FRMPD2: variants seen among roughly 807,000 people sequenced by gnomAD.
FRMPD2 encodes the protein FERM and PDZ domain-containing protein 2.
A neutral mutation model predicts 140.1 loss-of-function variants in FRMPD2; 96 were observed. The ratio of observed to expected loss-of-function variants is 0.69; its 90% CI spans 0.58 to 0.81. The LOEUF (loss-of-function observed/expected upper bound fraction) is 0.81, where lower values mean the gene tolerates loss of function less well. Among genes scored for constraint, FRMPD2 ranks in the 40% least tolerant of loss-of-function variants. The probability of loss-of-function intolerance (pLI) is 0.00; values close to 1 mark genes in which losing one functional copy is unlikely to be tolerated. For synonymous variants in FRMPD2, 449 were observed against 547.6 expected (o/e 0.82, Z 2.52); for missense variants, 1,240 against 1,447.4 (o/e 0.86, Z 2.32).
intron 2 of FRMPD2, among the ~76,000 whole-genome samples, 184 bp downstream of exon 2, chr10:48,251,382 A>G (rs1430197995): frequency 6.6e-6 from 1 of 152,238 alleles, no homozygotes; most frequent in African/African-American, 2.4e-5. Flanking sequence ...GTGCAGCTCC[A>G]AGGATAGGTG....
In FRMPD2 at chr10:48,163,816, C is replaced by T. The variant is rs1588797967; in HGVS notation, c.3538-145G>A. The T allele has an allele frequency of 2.6e-5, 18 of 694,474 alleles. No homozygotes were observed. The East Asian group carries it at 4.8e-4, about 19-fold the overall frequency. 43.0% of individuals were successfully genotyped at this position (694,474 alleles called of 1,614,324 possible). ...TCTGTCTATCACCATAGCATCCCAG[C>T]TCCTCCACATGCTCCCGGCTGGACA... On this transcript the variant is annotated intron_variant, in intron 27 of 28. Transcript: ENST00000374201.
chr10:48,214,790 T>C (rs549133242), intron 12 of FRMPD2, among the ~76,000 whole-genome samples: 11 of 152,214 alleles, frequency 7.2e-5, no homozygotes, highest in Admixed American at 3.9e-4. Flanking sequence ...AGTTATCACT[T>C]ACATGGTGCT....
Position 48,242,217 on chromosome 10 carries a change from G to C in FRMPD2, c.511C>G (p.Pro171Ala), listed in dbSNP as rs1432101261. Reference sequence around the variant, plus strand: ...AGCCTTCTGATGTGGAGACCAGCAGGGGCTGGGTAGACAGACACTTCTTTC... The same window carrying C: ...AGCCTTCTGATGTGGAGACCAGCAGCGGCTGGGTAGACAGACACTTCTTTC... ...HEKEVSVYPAPAGLHIRRLVG... is the reference protein window; with the variant it reads ...HEKEVSVYPAAAGLHIRRLVG... Residue 171 changes from proline to alanine, a missense_variant, in exon 5 of 29, where the codon CCT becomes GCT. Coordinates refer to ENST00000374201, the MANE Select transcript of FRMPD2 (RefSeq NM_001018071.4). 2.5e-6 allele frequency: 4 copies of C among 1,614,174 alleles called. No individual in the cohort carries two copies. Among genetic ancestry groups the C allele is most frequent in the Non-Finnish European group, 3.4e-6 (4 of 1,180,014 alleles).
At chr10:48,268,082 A>G (rs1840708068) in intron 1 of FRMPD2, among the ~76,000 whole-genome samples, 1 of 152,248 alleles carries the variant, frequency 6.6e-6, no homozygotes, top group Admixed American at 6.5e-5. Context: ...AATGGCATGG[A>G]AAGACATTTC....
Position 48,232,231 on chromosome 10 carries a change from C to G in FRMPD2, c.1052G>C (p.Gly351Ala). 1.2e-6 allele frequency: 2 copies of G among 1,614,138 alleles called. No homozygotes were observed. Among genetic ancestry groups the G allele is most frequent in the Non-Finnish European group, 1.7e-6 (2 of 1,180,008 alleles). Residue 351 changes from glycine to alanine, a missense_variant, in exon 10 of 29, where the codon GGG (glycine) becomes GCG (alanine). Transcript: ENST00000374201. ...LRDLCVVLLNGQHLEVKCDVE... is the reference protein window; with the variant it reads ...LRDLCVVLLNAQHLEVKCDVE... The stretch of plus-strand genomic sequence containing the variant: ...ATCACATTTTACCTCCAGGTGCTGC[C>G]CGTTCAGCAGGACCACACAGAGGTC...
intron 1 of FRMPD2, among the ~76,000 whole-genome samples, chr10:48,261,315 TA>T (rs567773198): frequency 4.7e-5 from 7 of 148,972 alleles, no homozygotes; most frequent in Non-Finnish European, 9.0e-5. Flanking sequence ...GCAAGATAAA[TA>T]AAAAAAACAC....
chr10:48,266,453 G>T (rs918162422), intron 1 of FRMPD2, among the ~76,000 whole-genome samples: 1 of 152,158 alleles, frequency 6.6e-6, no homozygotes, highest in Non-Finnish European at 1.5e-5. Context: ...TTATTATAGG[G>T]TATATTAATC....
intron 20 of FRMPD2, 143 bp downstream of exon 20, chr10:48,184,423 A>G (rs1838624970): frequency 3.3e-6 from 2 of 601,352 alleles, no homozygotes; most frequent in African/African-American, 1.9e-5. Context: ...TTGTGCCACT[A>G]CACTGCTTCT....
chr10:48,255,886 C>A (rs750061139), intron 1 of FRMPD2, among the ~76,000 whole-genome samples: 2 of 152,222 alleles, frequency 1.3e-5, no homozygotes, highest in East Asian at 1.9e-4. Flanking sequence ...GAGGTGAGGG[C>A]GGTAAGCCAG....
chr10:48,198,935 T>C (rs192927701), intron 15 of FRMPD2, among the ~76,000 whole-genome samples: 170 of 152,306 alleles, frequency 1.1e-3, no homozygotes, highest in Admixed American at 1.6e-3. Context: ...TGATTTTGTA[T>C]ACAGTAACAT....
chr10:48,245,692 A>G (rs997652627), intron 3 of FRMPD2, among the ~76,000 whole-genome samples: 2 of 152,228 alleles, frequency 1.3e-5, no homozygotes, highest in Non-Finnish European at 2.9e-5. Context: ...CCTGTGACGT[A>G]GGTACTTTAA....
intron 8 of FRMPD2, among the ~76,000 whole-genome samples, chr10:48,237,612 G>T (rs181052382): frequency 6.6e-6 from 1 of 151,992 alleles, no homozygotes; most frequent in African/African-American, 2.4e-5. Flanking sequence ...CCCTCCCTGC[G>T]GCCCTGGATC....
chr10:48,186,840 G>A (rs11815236), intron 17 of FRMPD2, among the ~76,000 whole-genome samples: 3,335 of 152,182 alleles, frequency 0.022, 122 homozygotes, highest in African/African-American at 0.075. Context: ...CATCTACTCT[G>A]TGTATGTTTT....
At chr10:48,239,552 C>A in intron 7 of FRMPD2, 53 bp downstream of exon 7, 1 of 1,314,476 alleles carries the variant, frequency 7.6e-7, no homozygotes, top group South Asian at 1.2e-5. Flanking sequence ...CCATAGCCCC[C>A]ACACCTATGT....
Position 48,187,215 on chromosome 10 carries a change from G to T in FRMPD2, c.2243C>A (p.Pro748Gln). ...KPMTWDSLSG[P>Q]PVQSMHAGSK... Reference sequence around the variant, plus strand: ...ACCTGCATGCATGCTCTGAACAGGTGGTCCAGAGAGAGAGTCCCAGGTCAT... The same window carrying T: ...ACCTGCATGCATGCTCTGAACAGGTTGTCCAGAGAGAGAGTCCCAGGTCAT... Residue 748 changes from proline to glutamine, a missense_variant, in exon 17 of 29, where the codon CCA becomes CAA. By Grantham distance (76) the Pro-to-Gln change is moderately conservative. Coordinates refer to ENST00000374201, the MANE Select transcript of FRMPD2 (RefSeq NM_001018071.4). 1 of 1,613,638 alleles carries T rather than the reference G, an allele frequency of 6.2e-7. No individual in the cohort carries two copies. The highest frequency in any genetic ancestry group is 1.1e-5 in the South Asian group (1 of 91,030).
In FRMPD2 at chr10:48,242,176, C is replaced by T; in HGVS notation, c.552G>A (p.Leu184=). ...CTCTACTGACCTCAGAAATGGTACCCAGAACCAAGCCAACCAGCCTTCTGA... is the reference window on the plus strand; with the variant it reads ...CTCTACTGACCTCAGAAATGGTACCTAGAACCAAGCCAACCAGCCTTCTGA... ...LHIRRLVGLV[L]GTISEVEKRV... The change falls in exon 5 of 29, where the codon CTG becomes CTA. Residue 184 remains leucine (L), a synonymous_variant. Transcript: ENST00000374201. 6.2e-7 allele frequency: 1 copy of T among 1,613,024 alleles called. No individual in the cohort carries two copies. The highest frequency in any genetic ancestry group is 8.5e-7 in the Non-Finnish European group (1 of 1,179,328).
intron 10 of FRMPD2, among the ~76,000 whole-genome samples, chr10:48,224,343 C>T (rs1839675839): frequency 6.6e-6 from 1 of 152,202 alleles, no homozygotes; most frequent in South Asian, 2.1e-4. Flanking sequence ...CCCTTTCAGC[C>T]CAAAGCATTC....
At chr10:48,195,738 T>C (rs961825566) in intron 15 of FRMPD2, among the ~76,000 whole-genome samples, 3 of 152,238 alleles carry the variant, frequency 2.0e-5, no homozygotes, top group African/African-American at 7.2e-5. Flanking sequence ...ATATCAAAAA[T>C]GGGAAGGGTT....
chr10:48,230,486 T>C (rs1839825390), intron 10 of FRMPD2, among the ~76,000 whole-genome samples: 1 of 152,226 alleles, frequency 6.6e-6, no homozygotes, highest in Non-Finnish European at 1.5e-5. Flanking sequence ...TCAAAAGTTC[T>C]AGCAGAACAA....
Sources: allele counts gnomAD v4.1 joint callset (sites outside exome capture counted in the v4.1 genomes callset), GRCh38; gene constraint gnomAD v4.1.1; transcripts MANE v1.5; gene names NCBI Gene and HGNC (gene_info 2026-07-23, HGNC 2026-07-21).